Variants in NRXN1 observed in about 807,000 individuals in gnomAD.
The protein encoded by NRXN1 is neurexin-1.
Under a neutral mutation model 150.9 loss-of-function variants are expected in NRXN1, and 39 were observed. The ratio of observed to expected loss-of-function variants is 0.26; its 90% CI spans 0.20 to 0.34. NRXN1 has a LOEUF of 0.34. Ranked by LOEUF, NRXN1 falls within the 10% of genes least tolerant of loss-of-function variation. The pLI, the probability that NRXN1 is intolerant of heterozygous loss-of-function variation, is 1.00. For missense variants in NRXN1, 1,815 were observed against 1,949.9 expected, an observed-to-expected ratio of 0.93 and a Z score of 1.30; for synonymous variants, 924 against 757.0, an observed-to-expected ratio of 1.22 and a Z score of -3.62.
At chr2:50,202,817 A>AG (rs2062278731) in intron 18 of NRXN1, among the ~76,000 whole-genome samples, 1 of 152,138 alleles carries the variant, frequency 6.6e-6, no homozygotes, top group African/African-American at 2.4e-5. Context: ...GAAAATTCTT[A>AG]AGATGTGAAA....
At chr2:50,540,618 T>C (rs940266262) in intron 9 of NRXN1, among the ~76,000 whole-genome samples, 2 of 151,924 alleles carry the variant, frequency 1.3e-5, no homozygotes, top group African/African-American at 2.4e-5. Flanking sequence ...GCACATATTA[T>C]CATGGAAAGC....
intron 17 of NRXN1, among the ~76,000 whole-genome samples, chr2:50,319,809 G>C (rs569909865): frequency 4.2e-4 from 64 of 152,090 alleles, no homozygotes; most frequent in Non-Finnish European, 7.4e-4. Context: ...TGAAATCTTT[G>C]GCTTCAAGCA....
At chr2:49,960,358 G>T (rs1000170233) in intron 21 of NRXN1, among the ~76,000 whole-genome samples, 2 of 151,948 alleles carry the variant, frequency 1.3e-5, no homozygotes, top group African/African-American at 4.8e-5. Flanking sequence ...TAGAGATCTA[G>T]TCATTCATAT....
intron 19 of NRXN1, among the ~76,000 whole-genome samples, chr2:50,058,775 G>A (rs539823639): frequency 1.3e-5 from 2 of 152,180 alleles, no homozygotes; most frequent in East Asian, 3.9e-4. Flanking sequence ...AGTCTCACAA[G>A]ACCTGATGGT....
At chr2:50,931,493 A>G (rs1440671707) in intron 2 of NRXN1, among the ~76,000 whole-genome samples, 1 of 152,110 alleles carries the variant, frequency 6.6e-6, no homozygotes, top group Non-Finnish European at 1.5e-5. Flanking sequence ...CCTGACAATT[A>G]TACATTCTTT....
chr2:50,069,285 T>A (rs963566267), intron 19 of NRXN1, among the ~76,000 whole-genome samples: 1 of 151,950 alleles, frequency 6.6e-6, no homozygotes, highest in Non-Finnish European at 1.5e-5. Flanking sequence ...TGAACAGGAG[T>A]GGATGCTGCT....
At chr2:50,819,970 G>GC (rs1239956755) in intron 5 of NRXN1, among the ~76,000 whole-genome samples, 1 of 151,976 alleles carries the variant, frequency 6.6e-6, no homozygotes, top group Non-Finnish European at 1.5e-5. Flanking sequence ...CTGCTCACTT[G>GC]TTAATACACA....
intron 17 of NRXN1, among the ~76,000 whole-genome samples, chr2:50,237,429 A>T (rs1349111888): frequency 6.6e-6 from 1 of 152,050 alleles, no homozygotes; most frequent in Non-Finnish European, 1.5e-5. Flanking sequence ...CAAATGTGCT[A>T]GGAATGTAAC....
intron 8 of NRXN1, among the ~76,000 whole-genome samples, chr2:50,587,179 A>C (rs1391157891): frequency 6.6e-6 from 1 of 152,312 alleles, no homozygotes; most frequent in African/African-American, 2.4e-5. Context: ...TCATTGGTGA[A>C]GCGAGCATAA....
At chr2:50,506,105 C>A (rs1414169392) in intron 13 of NRXN1, among the ~76,000 whole-genome samples, 1 of 152,102 alleles carries the variant, frequency 6.6e-6, no homozygotes, top group Non-Finnish European at 1.5e-5. Flanking sequence ...TATCTATCAT[C>A]TTACCTAGAA....
chr2:50,436,530 A>G (rs1419336329), intron 17 of NRXN1, among the ~76,000 whole-genome samples: 1 of 152,180 alleles, frequency 6.6e-6, no homozygotes, highest in Non-Finnish European at 1.5e-5. Context: ...TTGATATGAA[A>G]TGTTTTAGTT....
chr2:50,908,769 T>C (rs1041606996), intron 5 of NRXN1, among the ~76,000 whole-genome samples: 1 of 151,996 alleles, frequency 6.6e-6, no homozygotes, highest in Non-Finnish European at 1.5e-5. Context: ...TAATTAGGAT[T>C]AGATAAGGTC....
intron 21 of NRXN1, among the ~76,000 whole-genome samples, chr2:49,968,876 A>C (rs1218161175): frequency 6.6e-6 from 1 of 152,110 alleles, no homozygotes; most frequent in Non-Finnish European, 1.5e-5. Flanking sequence ...CCTCAATTGA[A>C]CTTTTAAGGC....
chr2:50,347,218 G>A lies in NRXN1; in HGVS notation c.3365-110248C>T. Reference sequence around the variant, plus strand: ...GGAAAGGCAGCCCCGGGAACAGCAAGCGCGGAGCGGGTGGCTGCTCCCAGA... The same window carrying A: ...GGAAAGGCAGCCCCGGGAACAGCAAACGCGGAGCGGGTGGCTGCTCCCAGA... On this transcript the variant is annotated intron_variant, in intron 17 of 22. Transcript: ENST00000401669. The surrounding 1 kb of genome is among the most constrained non-coding windows in gnomAD (Gnocchi z 4.9). 1 of 1,338,230 alleles carries A rather than the reference G, an allele frequency of 7.5e-7. No homozygotes were observed. The highest frequency in any genetic ancestry group is 9.8e-7 in the Non-Finnish European group (1 of 1,021,838). 82.9% of individuals were successfully genotyped at this position (1,338,230 alleles called of 1,614,324 possible).
At chr2:50,341,945 A>T (rs73930346) in intron 17 of NRXN1, among the ~76,000 whole-genome samples, 6,181 of 152,254 alleles carry the variant, frequency 0.041, 295 homozygotes, top group African/African-American at 0.11. Flanking sequence ...TTTAAGGAAA[A>T]AATTGAATTT....
At chr2:50,582,536 G>C (rs1324230173) in intron 8 of NRXN1, among the ~76,000 whole-genome samples, 9 of 114,932 alleles carry the variant, frequency 7.8e-5, no homozygotes, top group Non-Finnish European at 1.3e-4. Context: ...GAAAACAGAA[G>C]AGAATAAAAC....
rs527707484 is a variant in NRXN1, at chr2:50,698,101, A to C, written c.833-74486T>G. Among the ~76,000 whole-genome samples the C allele has an allele frequency of 2.6e-5, 4 of 152,360 alleles. No homozygotes were observed. The East Asian group carries it at 5.8e-4, about 22-fold the overall frequency. ...ACTTTAGAATCCTCCTTCTCTCATG[A>C]GAAAGTAAACATTGTGCGGGCAGGG... On this transcript the variant is annotated intron_variant, in intron 5 of 22. Transcript: ENST00000401669.
At chr2:50,495,379 T>G (rs868067873) in intron 15 of NRXN1, among the ~76,000 whole-genome samples, 135 of 13,344 alleles carry the variant, frequency 0.01, no homozygotes, top group Non-Finnish European at 0.02. Flanking sequence ...TGTGTGTGTG[T>G]GGTGTGTGTG....
At chr2:50,357,387 C>CA (rs1244764826) in intron 17 of NRXN1, among the ~76,000 whole-genome samples, 1 of 152,032 alleles carries the variant, frequency 6.6e-6, no homozygotes, top group Non-Finnish European at 1.5e-5. Context: ...CAGCTCACCA[C>CA]AACCTCTGCC....
Sources: allele counts gnomAD v4.1 joint callset (sites outside exome capture counted in the v4.1 genomes callset), GRCh38; gene constraint gnomAD v4.1.1; non-coding constraint Gnocchi (gnomAD v3.1); transcripts MANE v1.5; gene names NCBI Gene and HGNC (gene_info 2026-07-23, HGNC 2026-07-21).